Variants in TENM4 observed in about 807,000 individuals in gnomAD.
TENM4 encodes teneurin transmembrane protein 4.
In TENM4, 82 loss-of-function variants were observed where a neutral mutation model predicts 243.3. That is an observed-to-expected ratio of 0.34 (90% CI 0.28 to 0.40). The LOEUF is 0.40. TENM4 is among the 10% of genes least tolerant of loss of function. The pLI, the probability that TENM4 is intolerant of heterozygous loss-of-function variation, is 1.00. For synonymous variants in TENM4, 1,412 were observed against 1,456.3 expected, an observed-to-expected ratio of 0.97 and a Z score of 0.69; for missense variants, 3,138 against 3,673.3, an observed-to-expected ratio of 0.85 and a Z score of 3.77.
intron 6 of TENM4, chr11:79,014,471 T>C (rs1177818499): frequency 6.6e-6 from 1 of 152,198 alleles, no homozygotes; most frequent in East Asian, 1.9e-4. Context: ...ACGAAACCAA[T>C]ACAGCATATG....
At chr11:78,689,531 C>G (rs774284939) in intron 28 of TENM4, among the ~76,000 whole-genome samples, 2 of 151,808 alleles carry the variant, frequency 1.3e-5, no homozygotes, top group Non-Finnish European at 2.9e-5. Flanking sequence ...CCCCTGGGTT[C>G]CTGTGAGGGT....
intron 1 of TENM4, among the ~76,000 whole-genome samples, chr11:79,319,901 C>T (rs1285652570): frequency 6.6e-6 from 1 of 152,138 alleles, no homozygotes; most frequent in Non-Finnish European, 1.5e-5. Flanking sequence ...TAGGTGACCA[C>T]CACAACTGGG....
chr11:78,894,979 TAAA>T (rs67819510), intron 7 of TENM4, among the ~76,000 whole-genome samples: 2,062 of 59,346 alleles, frequency 0.035, 56 homozygotes, highest in African/African-American at 0.071. Flanking sequence ...GACTCGGCCT[TAAA>T]AAAAAAAAAA....
At chr11:79,315,034 G>C (rs1203408144) in intron 1 of TENM4, among the ~76,000 whole-genome samples, 1 of 152,216 alleles carries the variant, frequency 6.6e-6, no homozygotes, top group African/African-American at 2.4e-5. Context: ...TATGCACAGA[G>C]GGTGGTAGGA....
chr11:78,978,342 TAAAG>T (rs1302979833), intron 6 of TENM4, among the ~76,000 whole-genome samples: 5 of 124,226 alleles, frequency 4.0e-5, no homozygotes, highest in African/African-American at 1.4e-4. Context: ...CCCCAGAACT[TAAAG>T]TAAGAAAAGA....
chr11:79,164,551 A>C (rs1186823274), intron 3 of TENM4, among the ~76,000 whole-genome samples: 2 of 144,308 alleles, frequency 1.4e-5, no homozygotes, highest in Non-Finnish European at 3.0e-5. Context: ...ATATATATCT[A>C]TATACTATAT....
At chr11:78,720,198 C>G (rs1005654043) in intron 25 of TENM4, among the ~76,000 whole-genome samples, 172 bp downstream of exon 25, 3 of 152,188 alleles carry the variant, frequency 2.0e-5, no homozygotes, top group Admixed American at 6.5e-5. Context: ...CTCCTGCCAC[C>G]CATTCTTGCC....
intron 6 of TENM4, among the ~76,000 whole-genome samples, chr11:78,922,355 A>G (rs1382879104): frequency 2.0e-5 from 3 of 152,174 alleles, no homozygotes; most frequent in Non-Finnish European, 4.4e-5. Context: ...TATGATGACA[A>G]TTCTCTTGTT....
In TENM4 at chr11:78,903,270, G is replaced by C. The variant is rs1318964255; in HGVS notation, c.747C>G (p.Thr249=). ...WLLNSNIPLE[T]RNLGKQPFLG... ...CACCCTCCCTACCGGCCGCGCACCT[G>C]GTCTCCAGGGGGATGTTGCTGTTGA... Residue 249 remains threonine (T), a splice_region_variant and synonymous_variant, in exon 7 of 34, where the codon ACC becomes ACG. Coordinates refer to ENST00000278550, the MANE Select transcript of TENM4 (RefSeq NM_001098816.3). 3 of 1,488,620 alleles carry C rather than the reference G, an allele frequency of 2.0e-6. No homozygotes were observed. The highest frequency in any genetic ancestry group is 2.7e-6 in the Non-Finnish European group (3 of 1,124,472). 92.2% of individuals were successfully genotyped at this position (1,488,620 alleles called of 1,614,324 possible).
At chr11:78,790,100 A>G (rs1857021802) in intron 15 of TENM4, among the ~76,000 whole-genome samples, 1 of 152,244 alleles carries the variant, frequency 6.6e-6, no homozygotes, top group South Asian at 2.1e-4. Context: ...ACCTGGTGCT[A>G]GAAATACAGA....
chr11:79,151,247 G>A (rs504578), intron 3 of TENM4, among the ~76,000 whole-genome samples: 140,463 of 152,262 alleles, frequency 0.92, 65,440 homozygotes, highest in Middle Eastern at 0.99. Context: ...AGCTATTAGC[G>A]AGCCAAACCA....
At position 78,899,573 on chromosome 11, in the gene TENM4, A is replaced by AGTGG. The variant is rs1565430097; in HGVS notation, c.749+3694_749+3695insCCAC. Reference sequence around the variant, plus strand: ...GTCTCAAAAAGCGGGGGGGGGGGGAAAAAGAAAAAAGAAAGAAAATTTGAT... The same window carrying AGTGG: ...GTCTCAAAAAGCGGGGGGGGGGGGAAGTGGAAAGAAAAAAGAAAGAAAATTTGAT... On this transcript the variant is annotated intron_variant, in intron 7 of 33. Transcript: ENST00000278550. Among the ~76,000 whole-genome samples the AGTGG allele has an allele frequency of 7.1e-5, 5 of 70,066 alleles. 1 individual carries two copies. The East Asian group carries it at 3.4e-3, about 48-fold the overall frequency. 46.0% of individuals were successfully genotyped at this position (70,066 alleles called of 152,430 possible).
rs1187228561 is a variant in TENM4, at chr11:79,281,929, A to G, written c.-265+15559T>C. On this transcript the variant is annotated intron_variant, in intron 2 of 33. Coordinates refer to ENST00000278550, the MANE Select transcript of TENM4 (RefSeq NM_001098816.3). ...TGAATGTCTCTGAATGTGCAGTTAG[A>G]CTCTTCTCACTGAACTGCTGGTTCT... Among the ~76,000 whole-genome samples the G allele has an allele frequency of 2.0e-5, 3 of 151,830 alleles. No homozygotes were observed. The East Asian group carries it at 5.8e-4, about 29-fold the overall frequency.
chr11:78,674,633 C>A (rs930076321), intron 30 of TENM4, among the ~76,000 whole-genome samples: 3 of 152,010 alleles, frequency 2.0e-5, no homozygotes, highest in Non-Finnish European at 4.4e-5. Flanking sequence ...GAGGACACTG[C>A]CTCAGAGGCG....
chr11:79,219,045 G>A (rs920453670), intron 2 of TENM4, among the ~76,000 whole-genome samples: 2 of 152,202 alleles, frequency 1.3e-5, no homozygotes, highest in Non-Finnish European at 2.9e-5. Flanking sequence ...AGTTTTGTAA[G>A]AGAGATGCAG....
chr11:78,735,928 C>CTCTT (rs543156841), intron 20 of TENM4, among the ~76,000 whole-genome samples: 4 of 140,568 alleles, frequency 2.8e-5, no homozygotes, highest in Non-Finnish European at 6.1e-5. Context: ...TCTCTCTTTT[C>CTCTT]TCTTTCTTTC....
intron 4 of TENM4, among the ~76,000 whole-genome samples, chr11:79,135,765 C>CATATATG (rs1862098154): frequency 1.6e-5 from 2 of 124,456 alleles, no homozygotes; most frequent in African/African-American, 3.7e-5. Flanking sequence ...ATGTATATAT[C>CATATATG]ATATATACAT....
chr11:79,242,050 A>T (rs1214398162), intron 2 of TENM4, among the ~76,000 whole-genome samples: 1 of 152,202 alleles, frequency 6.6e-6, no homozygotes, highest in African/African-American at 2.4e-5. Context: ...CTCAATTAAG[A>T]TCAGTTAGAA....
At chr11:78,956,781 T>C (rs1857215012) in intron 6 of TENM4, among the ~76,000 whole-genome samples, 1 of 152,214 alleles carries the variant, frequency 6.6e-6, no homozygotes, top group Admixed American at 6.5e-5. Flanking sequence ...TGAACTGACA[T>C]GAGGCTTGGA....
Sources: allele counts gnomAD v4.1 joint callset (sites outside exome capture counted in the v4.1 genomes callset), GRCh38; gene constraint gnomAD v4.1.1; transcripts MANE v1.5; gene names NCBI Gene and HGNC (gene_info 2026-07-23, HGNC 2026-07-21).